Variants in MAGI2 observed in about 807,000 individuals in gnomAD.
The protein encoded by MAGI2 is membrane associated guanylate kinase, WW and PDZ domain containing 2, also known as membrane-associated guanylate kinase, WW and PDZ domain-containing protein 2.
MAGI2 carries 35 observed loss-of-function variants against 133.3 expected under a neutral mutation model. The ratio of observed to expected loss-of-function variants is 0.26; its 90% CI spans 0.20 to 0.35. MAGI2 has a LOEUF of 0.35. Among genes scored for constraint, MAGI2 ranks in the 10% least tolerant of loss-of-function variants. The pLI, the probability that MAGI2 is intolerant of heterozygous loss-of-function variation, is 1.00. For missense variants in MAGI2, 1,636 were observed against 1,863.4 expected (o/e 0.88, Z 2.25); for synonymous variants, 729 against 710.6 (o/e 1.03, Z -0.41).
At chr7:79,344,421 A>G (rs145482052) in intron 1 of MAGI2, among the ~76,000 whole-genome samples, 233 of 152,250 alleles carry the variant, frequency 1.5e-3, no homozygotes, top group African/African-American at 5.4e-3. Flanking sequence ...ATAAATGAGC[A>G]ATTGCTATAG....
chr7:78,021,862 A>G (rs2471592), intron 21 of MAGI2, among the ~76,000 whole-genome samples: 144,220 of 152,296 alleles, frequency 0.95, 68,344 homozygotes, highest in African/African-American at 0.98. Flanking sequence ...CCAACTTTAC[A>G]GATGTGAGAC....
intron 3 of MAGI2, among the ~76,000 whole-genome samples, chr7:78,611,502 G>T (rs1371767807): frequency 6.6e-6 from 1 of 152,114 alleles, no homozygotes; most frequent in East Asian, 1.9e-4. Context: ...CCCTACCAAA[G>T]CCTTGGTTAA....
At chr7:78,252,079 A>C (rs1283108686) in intron 10 of MAGI2, 1 of 151,320 alleles carries the variant, frequency 6.6e-6, no homozygotes, top group Non-Finnish European at 1.5e-5. Context: ...TTGAGGCTGC[A>C]GTGAGCTATG....
In MAGI2 at chr7:78,313,816, C is replaced by T. The variant is rs185163431; in HGVS notation, c.1408+29962G>A. On this transcript the variant is annotated intron_variant, in intron 9 of 21. Transcript: ENST00000354212. ...TGCTATTTAATAGATTTAAGTTCCTCGGATACTACAATGACTTTTTAAAAT... is the reference window on the plus strand; with the variant it reads ...TGCTATTTAATAGATTTAAGTTCCTTGGATACTACAATGACTTTTTAAAAT... Among the ~76,000 whole-genome samples, 12 of 152,120 alleles carry T rather than the reference C, an allele frequency of 7.9e-5. No homozygotes were observed. The East Asian group carries it at 1.7e-3, about 22-fold the overall frequency.
chr7:78,350,454 G>C (rs1352531928), intron 7 of MAGI2: 3 of 152,236 alleles, frequency 2.0e-5, no homozygotes, highest in East Asian at 3.8e-4. Context: ...GGTGTCTCTA[G>C]TGTGCAGCTA....
intron 2 of MAGI2, among the ~76,000 whole-genome samples, chr7:78,805,716 A>G (rs2151394519): frequency 6.6e-6 from 1 of 152,274 alleles, no homozygotes; most frequent in East Asian, 1.9e-4. Context: ...CACTCTGGGA[A>G]AGCCAATCAC....
chr7:78,981,905 C>T (rs1804823218), intron 2 of MAGI2, among the ~76,000 whole-genome samples: 1 of 151,860 alleles, frequency 6.6e-6, no homozygotes, highest in African/African-American at 2.4e-5. Flanking sequence ...CAGACCAAGA[C>T]GATATTCCTT....
intron 1 of MAGI2, among the ~76,000 whole-genome samples, chr7:79,279,980 T>C (rs1415246609): frequency 1.3e-5 from 2 of 152,186 alleles, no homozygotes; most frequent in Non-Finnish European, 2.9e-5. Context: ...CTATCTGTAG[T>C]CTGGAATATA....
intron 16 of MAGI2, 104 bp downstream of exon 16, chr7:78,159,921 G>T: frequency 7.0e-7 from 1 of 1,423,246 alleles, no homozygotes; most frequent in Non-Finnish European, 9.3e-7. Flanking sequence ...AGGCTATACA[G>T]TATGTCCGTG....
intron 16 of MAGI2, among the ~76,000 whole-genome samples, chr7:78,156,847 A>G (rs560193696): frequency 5.3e-4 from 80 of 152,156 alleles, no homozygotes; most frequent in African/African-American, 1.9e-3. Flanking sequence ...ACCCCAAAAA[A>G]CAAAAACAAA....
chr7:78,812,442 C>T (rs904631181), intron 2 of MAGI2, among the ~76,000 whole-genome samples: 1 of 152,142 alleles, frequency 6.6e-6, no homozygotes, highest in African/African-American at 2.4e-5. Context: ...ACAATGCACA[C>T]GTCTTCTGGC....
chr7:78,255,732 T>C (rs977889918), intron 10 of MAGI2: 5 of 627,746 alleles, frequency 8.0e-6, no homozygotes, highest in African/African-American at 5.5e-5. Flanking sequence ...AGAACTATTA[T>C]TATTGTGTTT....
chr7:78,590,990 C>T (rs1201987462), intron 3 of MAGI2, among the ~76,000 whole-genome samples: 3 of 152,248 alleles, frequency 2.0e-5, no homozygotes, highest in South Asian at 2.1e-4. Context: ...GAGACTCCTC[C>T]CTCTGACTTT....
chr7:79,351,864 A>G (rs929579576), intron 1 of MAGI2: 1 of 152,206 alleles, frequency 6.6e-6, no homozygotes, highest in African/African-American at 2.4e-5. Flanking sequence ...GTGATTAAAA[A>G]TGTCCACTAT....
intron 10 of MAGI2, among the ~76,000 whole-genome samples, chr7:78,202,843 A>G (rs1362972950): frequency 6.6e-6 from 1 of 152,134 alleles, no homozygotes; most frequent in East Asian, 1.9e-4. Context: ...GCTGTTCACT[A>G]TTTCTCTTTC....
In MAGI2 at chr7:78,019,918, G is replaced by T; in HGVS notation, c.3765C>A (p.Gly1255=). ...AAAAPGLPEV[G]VSLDDGLAPF... is the part of the protein sequence containing the mutation. ...GAGCGAGGCCGTCGTCCAGGGAGAC[G>T]CCTACTTCCGGCAGACCTGGGGCGG... The change falls in exon 22 of 22, where the codon GGC becomes GGA. Residue 1255 remains glycine, a synonymous_variant. Coordinates refer to ENST00000354212, the MANE Select transcript of MAGI2 (RefSeq NM_012301.4). 6.2e-7 allele frequency: 1 copy of T among 1,610,442 alleles called. No individual in the cohort carries two copies. The highest frequency in any genetic ancestry group is 8.5e-7 in the Non-Finnish European group (1 of 1,178,754).
intron 3 of MAGI2, among the ~76,000 whole-genome samples, chr7:78,529,736 C>T (rs1225214101): frequency 1.8e-5 from 2 of 112,048 alleles, no homozygotes; most frequent in Non-Finnish European, 3.4e-5. Context: ...AGGCTGGTCT[C>T]GAACTCCTAG....
chr7:78,709,822 T>A (rs550738212), intron 2 of MAGI2, among the ~76,000 whole-genome samples: 1 of 152,280 alleles, frequency 6.6e-6, no homozygotes, highest in Non-Finnish European at 1.5e-5. Flanking sequence ...TGGTATTGAC[T>A]TTTTGCCTGG....
chr7:78,253,957 G>A (rs1015937649), intron 10 of MAGI2: 6 of 152,122 alleles, frequency 3.9e-5, no homozygotes, highest in African/African-American at 1.4e-4. Flanking sequence ...TAATTTCAGA[G>A]AGATGAGTAT....
Sources: allele counts gnomAD v4.1 joint callset (sites outside exome capture counted in the v4.1 genomes callset), GRCh38; gene constraint gnomAD v4.1.1; transcripts MANE v1.5; gene names NCBI Gene and HGNC (gene_info 2026-07-23, HGNC 2026-07-21).